TSNARE1: variants seen among roughly 807,000 people sequenced by gnomAD.
The protein encoded by TSNARE1 is t-SNARE domain containing 1.
A neutral mutation model predicts 62.0 loss-of-function variants in TSNARE1; 49 were observed. The ratio of observed to expected loss-of-function variants is 0.79; its 90% CI spans 0.63 to 1.00. The LOEUF is 1.00. Ranked by LOEUF, TSNARE1 falls within the 50% of genes least tolerant of loss-of-function variation. The probability of loss-of-function intolerance (pLI) is 0.00; values close to 1 mark genes in which losing one functional copy is unlikely to be tolerated. For missense variants in TSNARE1, 755 were observed against 700.1 expected (o/e 1.08, Z -0.88); for synonymous variants, 328 against 294.4 (o/e 1.11, Z -1.17).
At chr8:142,405,646 T>C (rs1838573798), upstream of TSNARE1, 1 of 152,200 alleles carries the variant, frequency 6.6e-6, no homozygotes, top group African/African-American at 2.4e-5. Flanking sequence ...TAAGCTGAAT[T>C]TCCAGGTCAG....
At chr8:142,279,853 C>A (rs1401394763) in intron 11 of TSNARE1, 50 of 1,029,736 alleles carry the variant, frequency 4.9e-5, no homozygotes, top group Non-Finnish European at 5.6e-5. Flanking sequence ...GGGGAAGGCC[C>A]ACTTACTTGG....
At chr8:142,271,537 TG>T in intron 12 of TSNARE1, 1 of 1,358,854 alleles carries the variant, frequency 7.4e-7, no homozygotes, top group East Asian at 3.0e-5. Flanking sequence ...TGGTTGCTGG[TG>T]GGGTGGAGGC....
chr8:142,377,057 C>A (rs1836396804), intron 1 of TSNARE1, among the ~76,000 whole-genome samples: 1 of 152,270 alleles, frequency 6.6e-6, no homozygotes, highest in African/African-American at 2.4e-5. Context: ...TGCCACCTCC[C>A]CCCGTCAACG....
intron 1 of TSNARE1, among the ~76,000 whole-genome samples, chr8:142,399,130 T>G (rs1006011136): frequency 6.6e-6 from 1 of 152,240 alleles, no homozygotes; most frequent in Non-Finnish European, 1.5e-5. Flanking sequence ...TTCAGAAACC[T>G]ATTCAAGGCA....
intron 9 of TSNARE1, among the ~76,000 whole-genome samples, chr8:142,304,543 G>C (rs960240390): frequency 6.6e-6 from 1 of 152,200 alleles, no homozygotes; most frequent in South Asian, 2.1e-4. Flanking sequence ...CCAGGAACCC[G>C]AGCACGAGGC....
At chr8:142,222,368 TAATTCACTCACTCACTCAGTCATC>T (rs1816359005) in intron 13 of TSNARE1, among the ~76,000 whole-genome samples, 1 of 99,192 alleles carries the variant, frequency 1.0e-5, no homozygotes, top group Admixed American at 9.8e-5. Context: ...ACTCATCCAC[TAATTCACTCACTCACTCAGTCATC>T]CACTCACTCA....
intron 13 of TSNARE1, among the ~76,000 whole-genome samples, chr8:142,225,485 T>C (rs1004876349): frequency 6.9e-6 from 1 of 145,198 alleles, no homozygotes; most frequent in Non-Finnish European, 1.5e-5. Context: ...TAACTGTCCA[T>C]TTCCATCTAT....
intron 1 of TSNARE1, among the ~76,000 whole-genome samples, chr8:142,392,947 G>GAA (rs374805854): frequency 9.1e-6 from 1 of 109,548 alleles, no homozygotes; most frequent in Admixed American, 9.0e-5. Flanking sequence ...AGGAGAAAAA[G>GAA]AAAAAAAAAA....
At chr8:142,266,091 T>A (rs1004383556) in intron 12 of TSNARE1, among the ~76,000 whole-genome samples, 3 of 152,232 alleles carry the variant, frequency 2.0e-5, no homozygotes, top group Non-Finnish European at 2.9e-5. Context: ...AGCTTTTTTA[T>A]GATGTACAGT....
chr8:142,362,661 C>T (rs537000537), intron 1 of TSNARE1, among the ~76,000 whole-genome samples: 1 of 152,300 alleles, frequency 6.6e-6, no homozygotes, highest in Admixed American at 6.5e-5. Context: ...ACGACCCAAT[C>T]ACCTCTCACG....
intron 9 of TSNARE1, among the ~76,000 whole-genome samples, chr8:142,312,747 T>C (rs1827800300): frequency 6.6e-6 from 1 of 152,220 alleles, no homozygotes; most frequent in East Asian, 1.9e-4. Flanking sequence ...AATCCCCTTG[T>C]GCTCTAGGGT....
At chr8:142,317,518 G>C (rs1043994444) in intron 7 of TSNARE1, among the ~76,000 whole-genome samples, 3 of 152,334 alleles carry the variant, frequency 2.0e-5, no homozygotes, top group Admixed American at 1.3e-4. Flanking sequence ...AAGCGGGTTC[G>C]GGCCAGCAGG....
At chr8:142,327,908 C>T (rs190536593) in intron 6 of TSNARE1, among the ~76,000 whole-genome samples, 2 of 152,200 alleles carry the variant, frequency 1.3e-5, no homozygotes, top group African/African-American at 4.8e-5. Context: ...GGCAGTGGGC[C>T]AGCAGCCTCT....
rs181166649 is a variant in TSNARE1 at position 142,321,586 on chromosome 8, A to C, written c.894-2952T>G. On this transcript the variant is annotated intron_variant, in intron 6 of 13. Coordinates refer to ENST00000524325, the MANE Select transcript of TSNARE1 (RefSeq NM_145003.5). ...GCCTAGACAGGTCAAGAGGGAAAAA[A>C]ACCACACTTGCAAATTACCAAGATC... Among the ~76,000 whole-genome samples, 282 of 152,342 alleles carry C rather than the reference A, an allele frequency of 1.9e-3. 1 individual carries two copies. The highest frequency in any genetic ancestry group is 6.6e-3 in the African/African-American group (273 of 41,574).
At chr8:142,274,056 C>A (rs73714106) in intron 12 of TSNARE1, 1 of 985,228 alleles carries the variant, frequency 1.0e-6, no homozygotes, top group Admixed American at 6.1e-5. Flanking sequence ...GCGCTCCCAC[C>A]GTGGCCCATG....
chr8:142,344,136 C>T lies in TSNARE1; in HGVS notation c.575G>A (p.Arg192Gln), dbSNP rs779817637. Reference sequence around the variant, plus strand: ...GCCCAGCTTGCGCCGCACGACGGCTCGTAGGTCCCGCCACTTGTGCTTCAG... The same window carrying T: ...GCCCAGCTTGCGCCGCACGACGGCTTGTAGGTCCCGCCACTTGTGCTTCAG... ...VDLKHKWRDL[R>Q]AVVRRKLGDL... Residue 192 changes from arginine to glutamine, a missense_variant, in exon 4 of 14, where the codon CGA becomes CAA. Coordinates refer to ENST00000524325, the MANE Select transcript of TSNARE1 (RefSeq NM_145003.5). 70 of 1,612,694 alleles carry T rather than the reference C, an allele frequency of 4.3e-5. No individual in the cohort carries two copies. Among genetic ancestry groups the T allele is most frequent in the African/African-American group, 8.0e-5 (6 of 74,920 alleles).
chr8:142,219,083 T>C (rs1292751778), intron 13 of TSNARE1, among the ~76,000 whole-genome samples: 5 of 152,160 alleles, frequency 3.3e-5, no homozygotes, highest in African/African-American at 4.8e-5. Context: ...AAACTTCTTT[T>C]CCCTGTCAGG....
chr8:142,359,101 C>T (rs1384245429), intron 1 of TSNARE1, among the ~76,000 whole-genome samples: 1 of 152,100 alleles, frequency 6.6e-6, no homozygotes, highest in African/African-American at 2.4e-5. Flanking sequence ...CAGGCTGTTA[C>T]TCGGCTTCCC....
intron 9 of TSNARE1, among the ~76,000 whole-genome samples, chr8:142,305,556 G>A (rs1476042884): frequency 1.3e-5 from 2 of 152,160 alleles, no homozygotes; most frequent in East Asian, 3.9e-4. Context: ...AGGATCGGGG[G>A]CCTGGTGCCG....
Sources: gnomAD v4.1 joint callset for allele counts (sites outside exome capture counted in the v4.1 genomes callset) on GRCh38, gnomAD v4.1.1 for gene constraint, MANE v1.5 for transcripts, NCBI Gene and HGNC (gene_info 2026-07-23, HGNC 2026-07-21) for gene names.